Variants in ADAMTS19 observed in about 807,000 individuals in gnomAD.
The protein encoded by ADAMTS19 is ADAM metallopeptidase with thrombospondin type 1 motif 19.
In ADAMTS19, 93 loss-of-function variants were observed where a neutral mutation model predicts 153.3. The observed-to-expected ratio is 0.61, with a 90% CI of 0.51 to 0.72. The LOEUF is 0.72. Ranked by LOEUF, ADAMTS19 falls within the 30% of genes least tolerant of loss-of-function variation. The pLI is 0.00. For synonymous variants in ADAMTS19, 600 were observed against 556.6 expected (o/e 1.08, Z -1.10); for missense variants, 1,482 against 1,552.1 (o/e 0.95, Z 0.76).
At chr5:129,543,135 C>T (rs192171910) in intron 6 of ADAMTS19, among the ~76,000 whole-genome samples, 3 of 151,570 alleles carry the variant, frequency 2.0e-5, no homozygotes, top group South Asian at 2.1e-4. Context: ...CCACAACCTC[C>T]GCCTCCCAGG....
chr5:129,643,587 A>G (rs1752924304), intron 11 of ADAMTS19, among the ~76,000 whole-genome samples: 2 of 152,074 alleles, frequency 1.3e-5, no homozygotes, highest in South Asian at 4.1e-4. Flanking sequence ...CTTTAATTAG[A>G]AAAGAAAAAA....
intron 16 of ADAMTS19, among the ~76,000 whole-genome samples, chr5:129,677,711 T>C (rs1391033264): frequency 1.3e-5 from 2 of 152,210 alleles, no homozygotes; most frequent in African/African-American, 2.4e-5. Context: ...TTACTTTCAG[T>C]TGGGCTACCA....
At chr5:129,710,439 G>A (rs1055624908) in intron 21 of ADAMTS19, among the ~76,000 whole-genome samples, 1 of 152,120 alleles carries the variant, frequency 6.6e-6, no homozygotes, top group African/African-American at 2.4e-5. Flanking sequence ...GCATATGAGT[G>A]CATGTATCTT....
rs190235743 is a variant in ADAMTS19, at chr5:129,619,693, C to T, written c.1479-925C>T. ...AGAGGGACAGAATTCAGGTACAATA[C>T]CATAAAAATTCAAGACTTTGTATAT... On this transcript the variant is annotated intron_variant, in intron 8 of 22. Transcript: ENST00000274487. 8.6e-4 allele frequency among the ~76,000 whole-genome samples: 130 copies of T among 151,794 alleles called. 1 individual carries two copies. The South Asian group carries it at 0.018, about 21-fold the overall frequency.
intron 15 of ADAMTS19, among the ~76,000 whole-genome samples, chr5:129,663,229 C>A (rs2127077287): frequency 6.6e-6 from 1 of 152,214 alleles, no homozygotes; most frequent in East Asian, 1.9e-4. Flanking sequence ...TTATTTTTAT[C>A]TCTTTGTTAA....
chr5:129,577,336 T>G (rs1749182511), intron 7 of ADAMTS19, among the ~76,000 whole-genome samples: 1 of 152,156 alleles, frequency 6.6e-6, no homozygotes, highest in East Asian at 1.9e-4. Context: ...AACATATTGT[T>G]TTATTTCCTG....
At chr5:129,708,271 A>T (rs1348874266) in intron 21 of ADAMTS19, among the ~76,000 whole-genome samples, 1 of 152,200 alleles carries the variant, frequency 6.6e-6, no homozygotes, top group Non-Finnish European at 1.5e-5. Context: ...AAAATAGGAC[A>T]CATACAATGT....
chr5:129,648,750 A>C, intron 12 of ADAMTS19, 48 bp from the exon 13 acceptor site: 14 of 1,457,940 alleles, frequency 9.6e-6, no homozygotes, highest in East Asian at 2.3e-5. Flanking sequence ...AAACCTAGGT[A>C]GTTAACATAA....
At chr5:129,575,435 G>A (rs1754066597) in intron 7 of ADAMTS19, among the ~76,000 whole-genome samples, 1 of 152,002 alleles carries the variant, frequency 6.6e-6, no homozygotes, top group African/African-American at 2.4e-5. Flanking sequence ...TTTTCCAGCT[G>A]TATCCTTAAA....
At chr5:129,521,087 G>A (rs1334500818) in intron 3 of ADAMTS19, among the ~76,000 whole-genome samples, 6 of 151,976 alleles carry the variant, frequency 3.9e-5, no homozygotes, top group African/African-American at 9.7e-5. Flanking sequence ...ATTTTCATGC[G>A]GGCTGTGGCA....
chr5:129,698,546 GT>G (rs1381720614), intron 19 of ADAMTS19, among the ~76,000 whole-genome samples: 2 of 152,010 alleles, frequency 1.3e-5, no homozygotes, highest in Admixed American at 1.3e-4. Flanking sequence ...CCACGAAAAT[GT>G]TTTCTTTCAT....
intron 3 of ADAMTS19, among the ~76,000 whole-genome samples, chr5:129,523,044 G>T (rs1751880865): frequency 7.4e-6 from 1 of 135,918 alleles, no homozygotes; most frequent in Non-Finnish European, 1.5e-5. Flanking sequence ...GGCAGAGTGA[G>T]ACTCCATCTC....
At chr5:129,697,096 G>A (rs964159275) in intron 19 of ADAMTS19, among the ~76,000 whole-genome samples, 1 of 152,230 alleles carries the variant, frequency 6.6e-6, no homozygotes, top group South Asian at 2.1e-4. Flanking sequence ...TTTCTTTGAG[G>A]GCCCTGCTGT....
rs1031993123 is a variant in ADAMTS19, at chr5:129,534,167, A to G, written c.1328+5490A>G. ...GATATCCTTGTTAACTACCTGTCTC[A>G]TTGATCTGTCTAATGTTGACAGTGG... On this transcript the variant is annotated intron_variant, in intron 6 of 22. Transcript: ENST00000274487. Among the ~76,000 whole-genome samples, 4 of 152,012 alleles carry G rather than the reference A, an allele frequency of 2.6e-5. No individual in the cohort carries two copies. The South Asian group carries it at 8.3e-4, about 32-fold the overall frequency.
At chr5:129,609,407 C>A (rs1751089763) in intron 8 of ADAMTS19, among the ~76,000 whole-genome samples, 1 of 152,102 alleles carries the variant, frequency 6.6e-6, no homozygotes. Flanking sequence ...TGAATAATAA[C>A]AATAATTAGT....
At chr5:129,543,852 T>C (rs559241428) in intron 6 of ADAMTS19, among the ~76,000 whole-genome samples, 2 of 152,344 alleles carry the variant, frequency 1.3e-5, no homozygotes, top group Admixed American at 6.5e-5. Context: ...TAACCTATCA[T>C]ACTTGGATTA....
At chr5:129,598,415 A>G (rs1358620546) in intron 8 of ADAMTS19, among the ~76,000 whole-genome samples, 1 of 152,188 alleles carries the variant, frequency 6.6e-6, no homozygotes, top group African/African-American at 2.4e-5. Context: ...AGAAGAAACA[A>G]TTTACATTGG....
intron 7 of ADAMTS19, among the ~76,000 whole-genome samples, chr5:129,592,414 G>A (rs1412598045): frequency 6.6e-6 from 1 of 150,564 alleles, no homozygotes; most frequent in East Asian, 1.9e-4. Flanking sequence ...TTTGAAAAGG[G>A]CCTCTATTGC....
chr5:129,532,963 C>A (rs552891762), intron 6 of ADAMTS19, among the ~76,000 whole-genome samples: 1 of 152,058 alleles, frequency 6.6e-6, no homozygotes, highest in Non-Finnish European at 1.5e-5. Flanking sequence ...GTTAGGCAGG[C>A]GTGGTGGCTT....
Sources: allele counts gnomAD v4.1 joint callset (sites outside exome capture counted in the v4.1 genomes callset), GRCh38; gene constraint gnomAD v4.1.1; transcripts MANE v1.5; gene names NCBI Gene and HGNC (gene_info 2026-07-23, HGNC 2026-07-21).